The following LPIN2 variants were observed in gnomAD, a reference collection of about 807,000 sequenced individuals.
LPIN2 encodes the protein phosphatidate phosphatase LPIN2.
LPIN2 carries 55 observed loss-of-function variants against 111.4 expected under a neutral mutation model. That is an observed-to-expected ratio of 0.49 (90% CI 0.40 to 0.62). The LOEUF (loss-of-function observed/expected upper bound fraction) is 0.62, where lower values mean the gene tolerates loss of function less well. LPIN2 is among the 20% of genes least tolerant of loss of function. The probability of loss-of-function intolerance (pLI) is 0.00; values close to 1 mark genes in which losing one functional copy is unlikely to be tolerated. For missense variants in LPIN2, 992 were observed against 1,112.1 expected (o/e 0.89, Z 1.54); for synonymous variants, 425 against 414.0 (o/e 1.03, Z -0.32).
chr18:2,923,191 C>T (rs779090841), intron 16 of LPIN2, among the ~76,000 whole-genome samples: 2 of 151,958 alleles, frequency 1.3e-5, no homozygotes, highest in Non-Finnish European at 2.9e-5. Flanking sequence ...GAGGCCGAGG[C>T]GGGGAGATCA....
At chr18:2,980,125 G>A (rs2078084970) in intron 1 of LPIN2, among the ~76,000 whole-genome samples, 1 of 152,112 alleles carries the variant, frequency 6.6e-6, no homozygotes. Flanking sequence ...GCTTGAAAAT[G>A]GAACTCAGAA....
intron 15 of LPIN2, 72 bp downstream of exon 15, chr18:2,924,326 C>T (rs2077099537): frequency 1.3e-6 from 2 of 1,583,810 alleles, no homozygotes. Context: ...GAGGAACTCC[C>T]CACCACACAC....
rs767274148 is a variant in LPIN2, at chr18:2,954,827, C to T, written c.193-228G>A. On this transcript the variant is annotated intron_variant, in intron 2 of 19. Coordinates refer to ENST00000677752, the MANE Select transcript of LPIN2 (RefSeq NM_001375808.2). ...GAATTGAAAGAAAGTGTTTCACCAT[C>T]TATTTTTACAACATATAAAAATTTT... Among the ~76,000 whole-genome samples the T allele has an allele frequency of 2.4e-3, 367 of 152,186 alleles. 4 individuals are homozygous for T. The highest frequency in any genetic ancestry group is 2.2e-3 in the Non-Finnish European group (150 of 68,052).
intron 4 of LPIN2, chr18:2,946,494 C>A (rs752896060): frequency 6.4e-7 from 1 of 1,566,536 alleles, no homozygotes; most frequent in Non-Finnish European, 8.8e-7. Flanking sequence ...GTCTCAGGAT[C>A]GAAGCGCTGA....
rs2144105633 is a variant in LPIN2, at chr18:2,919,562, TAC to T, written c.*729_*730del. 1 of 152,654 alleles carries T rather than the reference TAC, an allele frequency of 6.6e-6. No homozygotes were observed. Among genetic ancestry groups the T allele is most frequent in the Admixed American group, 6.5e-5 (1 of 15,340 alleles). 9.5% of individuals were successfully genotyped at this position (152,654 alleles called of 1,614,324 possible). On this transcript the variant is annotated 3_prime_UTR_variant, in exon 20 of 20. Transcript: ENST00000677752. The stretch of plus-strand genomic sequence containing the variant: ...TTAAGACCCACCTTCCCACTTTTAT[TAC>T]AGACATCAAATATATACTTGTGAGA...
chr18:2,996,979 T>G (rs2143452591), intron 1 of LPIN2, among the ~76,000 whole-genome samples: 1 of 60,050 alleles, frequency 1.7e-5, no homozygotes, highest in Non-Finnish European at 3.3e-5. Flanking sequence ...TTTTGGAGGC[T>G]TGTATTTTTC....
chr18:2,926,449 C>T (rs1477044301), intron 13 of LPIN2, among the ~76,000 whole-genome samples: 1 of 152,234 alleles, frequency 6.6e-6, no homozygotes, highest in East Asian at 1.9e-4. Context: ...GGAGCAGAGG[C>T]ACCTGGGCCA....
At chr18:2,922,693 C>T (rs528228935) in intron 16 of LPIN2, among the ~76,000 whole-genome samples, 72 of 152,018 alleles carry the variant, frequency 4.7e-4, no homozygotes, top group African/African-American at 1.6e-3. Context: ...CCATGGAAAA[C>T]GTGGGAAAAA....
In LPIN2 at chr18:3,003,736, G is replaced by A. The variant is rs1158342555; in HGVS notation, c.-10+9351C>T. On this transcript the variant is annotated intron_variant, in intron 1 of 19. Coordinates refer to ENST00000677752, the MANE Select transcript of LPIN2 (RefSeq NM_001375808.2). ...CTACTGTACAAACTGATTGTAAAAC[G>A]TGTGTTTGAACAATATGAAATCACT... Among the ~76,000 whole-genome samples the A allele has an allele frequency of 3.9e-5, 6 of 152,242 alleles. No individual in the cohort carries two copies. In the South Asian group the frequency reaches 1.2e-3, roughly 32 times the overall value.
chr18:2,933,929 A>G (rs1389144338), intron 8 of LPIN2, among the ~76,000 whole-genome samples: 1 of 152,254 alleles, frequency 6.6e-6, no homozygotes, highest in South Asian at 2.1e-4. Flanking sequence ...CCGGTTCAGA[A>G]AAGGCTCAGG....
intron 1 of LPIN2, among the ~76,000 whole-genome samples, chr18:2,961,621 C>G (rs1349523802): frequency 1.3e-5 from 2 of 152,290 alleles, no homozygotes; most frequent in Non-Finnish European, 1.5e-5. Context: ...GGAAGTACAG[C>G]TAAAGCCAGG....
At chr18:3,004,994 CCA>C (rs1164627074) in intron 1 of LPIN2, among the ~76,000 whole-genome samples, 4 of 148,642 alleles carry the variant, frequency 2.7e-5, no homozygotes, top group Non-Finnish European at 5.9e-5. Flanking sequence ...CCAGAGAAAC[CCA>C]CACTCCTATA....
intron 1 of LPIN2, among the ~76,000 whole-genome samples, chr18:3,006,342 T>A (rs1440699148): frequency 1.3e-5 from 2 of 152,182 alleles, no homozygotes; most frequent in East Asian, 3.8e-4. Flanking sequence ...TAATGCTACC[T>A]AGGTAAGTTA....
intron 1 of LPIN2, among the ~76,000 whole-genome samples, chr18:3,002,806 T>C (rs988203785): frequency 2.6e-5 from 4 of 152,204 alleles, no homozygotes; most frequent in African/African-American, 9.7e-5. Flanking sequence ...TCCTCAGACT[T>C]TCCCACAATC....
chr18:2,933,735 A>T (rs2077246004), intron 8 of LPIN2, among the ~76,000 whole-genome samples: 1 of 152,242 alleles, frequency 6.6e-6, no homozygotes, highest in African/African-American at 2.4e-5. Context: ...AGTTTAACAG[A>T]ATTCCCCTAA....
chr18:2,933,879 G>A (rs1471605886), intron 8 of LPIN2, among the ~76,000 whole-genome samples: 5 of 152,174 alleles, frequency 3.3e-5, no homozygotes, highest in Non-Finnish European at 7.4e-5. Context: ...GGGGATGTGG[G>A]GACACGGGGC....
intron 1 of LPIN2, among the ~76,000 whole-genome samples, chr18:2,988,162 C>G (rs374231732): frequency 3.9e-5 from 6 of 152,154 alleles, no homozygotes; most frequent in South Asian, 2.1e-4. Context: ...AGCTCTCTCT[C>G]CAAATTTCTG....
At position 2,920,768 on chromosome 18, in the gene LPIN2, A is replaced by G; in HGVS notation, c.2546+10T>C. 1.2e-6 allele frequency: 2 copies of G among 1,607,256 alleles called. No homozygotes were observed. Among genetic ancestry groups the G allele is most frequent in the Non-Finnish European group, 1.7e-6 (2 of 1,173,740 alleles). On this transcript the variant is annotated intron_variant, in intron 19 of 19. Transcript: ENST00000677752. ...CAGGGCGCCGGGCTGAGAGCTGAGA[A>G]TGTACTTACGATGACTTGTTTCCTT... is the stretch of plus-strand genomic sequence containing the variant.
chr18:2,924,800 C>T (rs1014124070), intron 14 of LPIN2, among the ~76,000 whole-genome samples: 23 of 152,202 alleles, frequency 1.5e-4, no homozygotes, highest in Non-Finnish European at 7.3e-5. Flanking sequence ...TACTCCACAC[C>T]TGAGAATTAC....
Sources: gnomAD v4.1 joint callset for allele counts (sites outside exome capture counted in the v4.1 genomes callset) on GRCh38, gnomAD v4.1.1 for gene constraint, MANE v1.5 for transcripts, NCBI Gene and HGNC (gene_info 2026-07-23, HGNC 2026-07-21) for gene names.